The following MYO5A variants were observed in gnomAD, a reference collection of about 807,000 sequenced individuals.
The protein encoded by MYO5A is unconventional myosin-Va.
Under a neutral mutation model 249.7 loss-of-function variants are expected in MYO5A, and 98 were observed. The ratio of observed to expected loss-of-function variants is 0.39; its 90% CI spans 0.33 to 0.46. The LOEUF is 0.46. MYO5A is among the 20% of genes least tolerant of loss of function. The pLI, the probability that MYO5A is intolerant of heterozygous loss-of-function variation, is 0.98. For synonymous variants in MYO5A, 778 were observed against 810.6 expected (o/e 0.96, Z 0.68); for missense variants, 1,696 against 2,308.8 (o/e 0.73, Z 5.44).
In MYO5A at chr15:52,436,537, C is replaced by T. The variant is rs547040649; in HGVS notation, c.28-3252G>A. Among the ~76,000 whole-genome samples, 3 of 152,340 alleles carry T rather than the reference C, an allele frequency of 2.0e-5. No homozygotes were observed. The East Asian group carries it at 5.8e-4, about 29-fold the overall frequency. On this transcript the variant is annotated intron_variant, in intron 1 of 41. Transcript: ENST00000399233. ...ATCAATCCAAACTACTATTACCATTCTCTATTTTACATTCTTCAGCACTCT... is the reference window on the plus strand; with the variant it reads ...ATCAATCCAAACTACTATTACCATTTTCTATTTTACATTCTTCAGCACTCT...
At position 52,313,426 on chromosome 15, in the gene MYO5A, CCCTT is replaced by C. The variant is rs2037847324; in HGVS notation, c.*266_*269del. ...ACATTTTTCTCCTCCTTTCCTTCCT[CCCTT>C]CCTTCCATCATTCTCCTGTATGTAA... On this transcript the variant is annotated 3_prime_UTR_variant, in exon 42 of 42. Transcript: ENST00000399233. The C allele has an allele frequency of 2.3e-6, 1 of 444,336 alleles. No homozygotes were observed. The highest frequency in any genetic ancestry group is 4.1e-6 in the Non-Finnish European group (1 of 241,808). 27.5% of individuals were successfully genotyped at this position (444,336 alleles called of 1,614,324 possible).
intron 1 of MYO5A, among the ~76,000 whole-genome samples, chr15:52,498,052 T>G (rs1249935907): frequency 2.0e-5 from 3 of 151,598 alleles, no homozygotes; most frequent in Non-Finnish European, 4.4e-5. Context: ...ACAAAAAGAA[T>G]AGCAAATTAA....
chr15:52,406,612 A>G (rs2043014402), intron 8 of MYO5A, among the ~76,000 whole-genome samples: 1 of 152,166 alleles, frequency 6.6e-6, no homozygotes. Context: ...AAATGCCATC[A>G]TATGATTTTA....
chr15:52,450,843 G>GTTTTTTTTTT (rs56842960), intron 1 of MYO5A, among the ~76,000 whole-genome samples: 7 of 84,588 alleles, frequency 8.3e-5, no homozygotes, highest in African/African-American at 3.5e-4. Context: ...CACTACTGTG[G>GTTTTTTTTTT]TTTTTTTTTT....
At position 52,391,807 on chromosome 15, in the gene MYO5A, C is replaced by A. The variant is rs1669872; in HGVS notation, c.1542+123G>T. On this transcript the variant is annotated intron_variant, in intron 12 of 41. Transcript: ENST00000399233. ...GTGTCCCTTTGGAATGAAAGCATAA[C>A]CCCTACTTGTCACCACGACGGCATT... 953,458 of 1,001,294 alleles carry A rather than the reference C, an allele frequency of 0.95. 461,564 individuals are homozygous for A. The highest frequency in any genetic ancestry group is 0.99 in the Non-Finnish European group (646,559 of 651,374). The allele number at this position is 1,001,294 out of a possible 1,614,324, so 62.0% of individuals were successfully genotyped here.
At position 52,507,804 on chromosome 15, in the gene MYO5A, CA is replaced by C. The variant is rs57445300; in HGVS notation, c.27+20975del. 1.8e-3 allele frequency among the ~76,000 whole-genome samples: 189 copies of C among 102,918 alleles called. 1 individual carries two copies. The highest frequency in any genetic ancestry group is 5.5e-3 in the Middle Eastern group (1 of 182). 67.5% of individuals were successfully genotyped at this position (102,918 alleles called of 152,430 possible). A position where few individuals can be genotyped will look rare whatever the true frequency, so the allele number is the denominator to read the frequency against. On this transcript the variant is annotated intron_variant, in intron 1 of 41. Coordinates refer to ENST00000399233, the MANE Select transcript of MYO5A (RefSeq NM_001382347.1). ...GAGCAACAGAATGAGACCCTGTCCCCAAAAAAAAAAAAAAAAAGTGTAATAA... is the reference window on the plus strand; with the variant it reads ...GAGCAACAGAATGAGACCCTGTCCCCAAAAAAAAAAAAAAAAGTGTAATAA...
chr15:52,444,351 C>A (rs2075845387), intron 1 of MYO5A, among the ~76,000 whole-genome samples: 1 of 152,126 alleles, frequency 6.6e-6, no homozygotes, highest in African/African-American at 2.4e-5. Context: ...AAAACAGAAT[C>A]ACCAACAGGG....
intron 32 of MYO5A, among the ~76,000 whole-genome samples, chr15:52,339,404 T>C (rs1326811413): frequency 6.6e-6 from 1 of 151,986 alleles, no homozygotes; most frequent in Non-Finnish European, 1.5e-5. Flanking sequence ...TATAGAAATA[T>C]GAAATTATCA....
chr15:52,446,636 C>A (rs2075896693), intron 1 of MYO5A, among the ~76,000 whole-genome samples: 1 of 152,290 alleles, frequency 6.6e-6, no homozygotes, highest in South Asian at 2.1e-4. Flanking sequence ...CACCTTGCAC[C>A]TTCAGCCTAG....
intron 1 of MYO5A, among the ~76,000 whole-genome samples, chr15:52,458,922 G>C (rs2076174903): frequency 6.6e-6 from 1 of 151,780 alleles, no homozygotes; most frequent in Admixed American, 6.6e-5. Flanking sequence ...CTGGTTTTTA[G>C]CATATAAATC....
intron 1 of MYO5A, among the ~76,000 whole-genome samples, chr15:52,504,609 G>A (rs749848710): frequency 2.7e-4 from 41 of 152,282 alleles, no homozygotes; most frequent in Non-Finnish European, 1.0e-4. Flanking sequence ...GAACAGAAAA[G>A]TCTGACAGAA....
At chr15:52,505,258 T>C in intron 1 of MYO5A, 2 of 775,614 alleles carry the variant, frequency 2.6e-6, no homozygotes, top group East Asian at 2.4e-5. Context: ...AGACAAGAGC[T>C]ACATCAAGGG....
chr15:52,331,028 A>G (rs1229349023), intron 34 of MYO5A, among the ~76,000 whole-genome samples: 1 of 152,202 alleles, frequency 6.6e-6, no homozygotes, highest in African/African-American at 2.4e-5. Flanking sequence ...ACATACAGAT[A>G]GCTGGTAGAA....
At chr15:52,361,830 C>T (rs2040544632) in intron 24 of MYO5A, among the ~76,000 whole-genome samples, 1 of 152,152 alleles carries the variant, frequency 6.6e-6, no homozygotes, top group Non-Finnish European at 1.5e-5. Context: ...TCATCACGTT[C>T]TCCTTCAAGA....
rs2037798346 is a variant in MYO5A at position 52,312,224 on chromosome 15, A to T, written c.*1472T>A. The T allele has an allele frequency of 6.6e-6, 1 of 152,230 alleles. No homozygotes were observed. Among genetic ancestry groups the T allele is most frequent in the Non-Finnish European group, 1.5e-5 (1 of 68,048 alleles). 9.4% of individuals were successfully genotyped at this position (152,230 alleles called of 1,614,324 possible). A position where few individuals can be genotyped will look rare whatever the true frequency, so the allele number is the denominator to read the frequency against. ...GATGCTTTTAAAATTATCTAGTGGC[A>T]TCTGAGAACACTTATAGAAGCTGCA... On this transcript the variant is annotated 3_prime_UTR_variant, in exon 42 of 42. Transcript: ENST00000399233.
chr15:52,356,113 A>G (rs1014026527), intron 25 of MYO5A, among the ~76,000 whole-genome samples: 1 of 152,204 alleles, frequency 6.6e-6, no homozygotes, highest in Non-Finnish European at 1.5e-5. Context: ...ATTAGAATTA[A>G]TGTGGAAGAT....
intron 4 of MYO5A, among the ~76,000 whole-genome samples, chr15:52,419,935 T>C (rs2043707647): frequency 1.3e-5 from 2 of 152,354 alleles, no homozygotes; most frequent in South Asian, 4.1e-4. Flanking sequence ...TTTAATGTTA[T>C]GGTTTGAATG....
At chr15:52,510,647 G>A (rs141411555) in intron 1 of MYO5A, among the ~76,000 whole-genome samples, 2,466 of 152,280 alleles carry the variant, frequency 0.016, 75 homozygotes, top group African/African-American at 0.057. Context: ...GAAGGATCTA[G>A]GTTGCATGCT....
intron 32 of MYO5A, among the ~76,000 whole-genome samples, chr15:52,338,410 A>C (rs1452361669): frequency 6.6e-6 from 1 of 152,120 alleles, no homozygotes; most frequent in Non-Finnish European, 1.5e-5. Flanking sequence ...ATGAGGTAGA[A>C]AAATCATTTT....
Sources: gnomAD v4.1 joint callset for allele counts (sites outside exome capture counted in the v4.1 genomes callset) on GRCh38, gnomAD v4.1.1 for gene constraint, MANE v1.5 for transcripts, NCBI Gene and HGNC (gene_info 2026-07-23, HGNC 2026-07-21) for gene names.